Variants in IAH1 observed in about 807,000 individuals in gnomAD.
IAH1 encodes the protein isoamyl acetate hydrolyzing esterase 1 (putative).
Under a neutral mutation model 26.7 loss-of-function variants are expected in IAH1, and 24 were observed. The observed-to-expected ratio is 0.90, with a 90% confidence interval of 0.65 to 1.26. The LOEUF (loss-of-function observed/expected upper bound fraction) is 1.26. IAH1 is among the 50% of genes most tolerant of loss of function. IAH1 has a pLI of 0.00. For synonymous variants in IAH1, 140 were observed against 118.5 expected (o/e 1.18, Z -1.18); for missense variants, 300 against 299.9 (o/e 1.00, Z 0.00).
Position 9,474,841 on chromosome 2 carries a change from G to A in IAH1, c.81+194G>A, listed in dbSNP as rs1682381933. ...CTTCCGGGCCCGCGGCGTCCCGGAG[G>A]TCACGACGGCGTCCGCGAGAGCCCG... On this transcript the variant is annotated intron_variant, in intron 1 of 5. Coordinates refer to ENST00000497473, the MANE Select transcript of IAH1 (RefSeq NM_001039613.3). The surrounding 1 kb of genome is among the most constrained non-coding windows in gnomAD (Gnocchi z 4.3). 4 of 523,926 alleles carry A rather than the reference G, an allele frequency of 7.6e-6. No homozygotes were observed. In the African/African-American group the frequency reaches 8.2e-5, roughly 11 times the overall value. The allele number at this position is 523,926 out of a possible 1,614,324, so 32.5% of individuals were successfully genotyped here.
chr2:9,477,354 C>G (rs1263443138), intron 2 of IAH1, among the ~76,000 whole-genome samples: 2 of 152,060 alleles, frequency 1.3e-5, no homozygotes, highest in Non-Finnish European at 2.9e-5. Flanking sequence ...ATAAGTTGAA[C>G]CCCAGGCGTC....
At chr2:9,474,530 TG>T, upstream of IAH1, 1 of 1,314,996 alleles carries the variant, frequency 7.6e-7, no homozygotes, top group Non-Finnish European at 1.0e-6. This position sits in a 1 kb window ranked among gnomAD's most constrained non-coding sequence, Gnocchi z 4.3. Flanking sequence ...GCGCCTCTCG[TG>T]GCTGGCGGCC....
rs1377172512 is a variant in IAH1, at chr2:9,475,974, T to C, written c.82-13T>C. ...CAGTCATTAGTAGTAATAATGGGCT[T>C]TTCTTCCTCCAGTTTTCCTTCCAGC... On this transcript the variant is annotated splice_polypyrimidine_tract_variant and intron_variant, in intron 1 of 5. Coordinates refer to ENST00000497473, the MANE Select transcript of IAH1 (RefSeq NM_001039613.3). 7 of 1,612,974 alleles carry C rather than the reference T, an allele frequency of 4.3e-6. No individual in the cohort carries two copies. The highest frequency in any genetic ancestry group is 5.9e-6 in the Non-Finnish European group (7 of 1,179,406).
At chr2:9,491,017 C>T (rs1450172324), downstream of IAH1, 1 of 1,257,786 alleles carries the variant, frequency 8.0e-7, no homozygotes, top group Non-Finnish European at 1.1e-6. Flanking sequence ...CCAGTGAAAG[C>T]TCTTGCTGGG....
the IAH1 span, among the ~76,000 whole-genome samples, chr2:9,504,661 C>CT: frequency 6.7e-6 from 1 of 149,036 alleles, no homozygotes; most frequent in Non-Finnish European, 1.5e-5. Context: ...ACTCAGGAGG[C>CT]TAAGGCAGGG....
At chr2:9,506,847 G>C in the IAH1 span, 1 of 152,276 alleles carries the variant, frequency 6.6e-6, no homozygotes, top group Admixed American at 6.5e-5. Flanking sequence ...TGATTTGTCA[G>C]AGTTACAACT....
At chr2:9,506,067 G>A in the IAH1 span, among the ~76,000 whole-genome samples, 1 of 152,196 alleles carries the variant, frequency 6.6e-6, no homozygotes, top group East Asian at 1.9e-4. Context: ...CTCTAAAACT[G>A]CGGTCATTTT....
At chr2:9,491,135 T>G (rs1457136318), downstream of IAH1, 1 of 1,613,134 alleles carries the variant, frequency 6.2e-7, no homozygotes, top group Non-Finnish European at 8.5e-7. Flanking sequence ...TTCATACTGT[T>G]TATCCAATTT....
chr2:9,474,482 AGCCCGGCTCCCGCAACCCACGG>A (rs1682348693), upstream of IAH1: 5 of 753,264 alleles, frequency 6.6e-6, no homozygotes, highest in Non-Finnish European at 9.6e-6. This position sits in a 1 kb window ranked among gnomAD's most constrained non-coding sequence, Gnocchi z 4.3. Context: ...GGTGCCCACG[AGCCCGGCTCCCGCAACCCACGG>A]GCGGCCACTG....
At chr2:9,479,795 C>CTTTTTTTTTTTTTTTTT (rs5829216) in intron 3 of IAH1, among the ~76,000 whole-genome samples, 1 of 69,870 alleles carries the variant, frequency 1.4e-5, no homozygotes, top group African/African-American at 5.3e-5. Context: ...CTGTGTATTG[C>CTTTTTTTTTTTTTTTTT]TTTTTTTTTT....
At chr2:9,490,566 G>A (rs1187960088), downstream of IAH1, 3 of 1,531,390 alleles carry the variant, frequency 2.0e-6, no homozygotes, top group Non-Finnish European at 2.7e-6. Context: ...AAGATGAATC[G>A]GAGGTCCTCA....
At position 9,484,424 on chromosome 2, in the gene IAH1, T is replaced by A. The variant is rs6759574; in HGVS notation, c.446-8T>A. The A allele has an allele frequency of 6.2e-7, 1 of 1,609,882 alleles. No homozygotes were observed. Among genetic ancestry groups the A allele is most frequent in the African/African-American group, 1.3e-5 (1 of 74,794 alleles). On this transcript the variant is annotated splice_region_variant and splice_polypyrimidine_tract_variant and intron_variant, in intron 4 of 5. Coordinates refer to ENST00000497473, the MANE Select transcript of IAH1 (RefSeq NM_001039613.3). ...CCAACTGCCACCTCTATTTCTTCTCTTCAATAGGTTGCAAACTAAATCGCC... is the reference window on the plus strand; with the variant it reads ...CCAACTGCCACCTCTATTTCTTCTCATCAATAGGTTGCAAACTAAATCGCC...
At chr2:9,497,358 C>A, downstream of IAH1, 2 of 1,392,014 alleles carry the variant, frequency 1.4e-6, no homozygotes, top group South Asian at 1.4e-5. Flanking sequence ...CTTGCAAAAG[C>A]AAAAAGTGAC....
At chr2:9,508,109 A>G in the IAH1 span, among the ~76,000 whole-genome samples, 1 of 152,166 alleles carries the variant, frequency 6.6e-6, no homozygotes, top group Non-Finnish European at 1.5e-5. Flanking sequence ...AAAGTAAAAC[A>G]TTTTGCTCCC....
the IAH1 span, among the ~76,000 whole-genome samples, chr2:9,504,301 C>G: frequency 6.6e-6 from 1 of 151,516 alleles, no homozygotes; most frequent in African/African-American, 2.4e-5. Flanking sequence ...AAAAATCAGC[C>G]AGGCGTGATG....
intron 1 of IAH1, chr2:9,475,771 G>C: frequency 5.0e-6 from 3 of 597,360 alleles, no homozygotes; most frequent in Non-Finnish European, 9.0e-6. Context: ...AAAGTGCTGG[G>C]AATACAGGCT....
At chr2:9,477,498 G>A (rs941688880) in intron 2 of IAH1, among the ~76,000 whole-genome samples, 9 of 151,210 alleles carry the variant, frequency 6.0e-5, no homozygotes, top group African/African-American at 2.2e-4. Context: ...AAGAAAAAAA[G>A]AGTCCCTCTT....
intron 3 of IAH1, 37 bp from the exon 4 acceptor site, chr2:9,481,249 T>C: frequency 6.2e-7 from 1 of 1,603,036 alleles, no homozygotes. Context: ...TTATAATAAA[T>C]ATGCATCTGG....
intron 4 of IAH1, 100 bp downstream of exon 4, chr2:9,481,547 G>A (rs1220792829): frequency 1.5e-5 from 17 of 1,125,162 alleles, no homozygotes; most frequent in Non-Finnish European, 1.3e-6. Flanking sequence ...CTGTTTCTTA[G>A]GGGCTCGGTA....
Sources: gnomAD v4.1 joint callset for allele counts (sites outside exome capture counted in the v4.1 genomes callset) on GRCh38, gnomAD v4.1.1 for gene constraint, Gnocchi (gnomAD v3.1) non-coding constraint, MANE v1.5 for transcripts, NCBI Gene and HGNC (gene_info 2026-07-23, HGNC 2026-07-21) for gene names.